Variants in MAML3 observed in about 807,000 individuals in gnomAD.
MAML3 encodes mastermind-like protein 3.
A neutral mutation model predicts 101.9 loss-of-function variants in MAML3; 27 were observed. That is an observed-to-expected ratio of 0.27 (90% CI 0.20 to 0.37). The LOEUF (loss-of-function observed/expected upper bound fraction) is 0.37. MAML3 is among the 10% of genes least tolerant of loss of function. The probability of loss-of-function intolerance (pLI) is 1.00; values close to 1 mark genes in which losing one functional copy is unlikely to be tolerated. For missense variants in MAML3, 1,316 were observed against 1,444.9 expected, an observed-to-expected ratio of 0.91 and a Z score of 1.45; for synonymous variants, 501 against 555.9, an observed-to-expected ratio of 0.90 and a Z score of 1.39.
intron 1 of MAML3, among the ~76,000 whole-genome samples, chr4:139,996,434 G>C (rs1734815438): frequency 6.6e-6 from 1 of 152,034 alleles, no homozygotes; most frequent in Non-Finnish European, 1.5e-5. Context: ...TTTCATGTTT[G>C]AGGCTCTGTA....
At chr4:139,824,214 T>C (rs1274199509) in intron 2 of MAML3, among the ~76,000 whole-genome samples, 1 of 152,184 alleles carries the variant, frequency 6.6e-6, no homozygotes, top group Admixed American at 6.5e-5. Context: ...TTCAAGGTTT[T>C]TGTTATACCT....
intron 1 of MAML3, among the ~76,000 whole-genome samples, chr4:139,907,206 A>G (rs1020806285): frequency 3.9e-5 from 6 of 152,266 alleles, no homozygotes; most frequent in African/African-American, 1.4e-4. Context: ...AGCAAAGCAC[A>G]GTAACTAAAG....
At chr4:140,132,669 T>C (rs933429837) in intron 1 of MAML3, among the ~76,000 whole-genome samples, 1 of 152,226 alleles carries the variant, frequency 6.6e-6, no homozygotes, top group Non-Finnish European at 1.5e-5. Context: ...CGTGGTGCCC[T>C]GGGAAGAGCA....
chr4:139,927,729 T>C (rs1733293928), intron 1 of MAML3, among the ~76,000 whole-genome samples: 1 of 129,664 alleles, frequency 7.7e-6, no homozygotes, highest in African/African-American at 2.8e-5. Flanking sequence ...CAAATTCCTC[T>C]GTCTTTGGCC....
chr4:139,876,275 T>C (rs998142153), intron 2 of MAML3, among the ~76,000 whole-genome samples: 2 of 152,358 alleles, frequency 1.3e-5, no homozygotes, highest in African/African-American at 4.8e-5. Flanking sequence ...ACATGGCCAA[T>C]AGAAATTTAA....
chr4:139,726,329 C>G (rs1266943502), intron 3 of MAML3, among the ~76,000 whole-genome samples: 1 of 152,100 alleles, frequency 6.6e-6, no homozygotes, highest in Non-Finnish European at 1.5e-5. Flanking sequence ...ATTTATTTAC[C>G]CATTCTACTA....
In MAML3 at chr4:139,785,223, T is replaced by C. The variant is rs1366768384; in HGVS notation, c.2080-54556A>G. Among the ~76,000 whole-genome samples the C allele has an allele frequency of 6.6e-6, 1 of 152,174 alleles. No individual in the cohort carries two copies. Among genetic ancestry groups the C allele is most frequent in the Non-Finnish European group, 1.5e-5 (1 of 68,020 alleles). ...TCTGAACCACAGCCTGCCCCTCAGC[T>C]TCTGGGTCCTCCCACACGGTGCCGG... On this transcript the variant is annotated intron_variant, in intron 2 of 4. Coordinates refer to ENST00000509479, the MANE Select transcript of MAML3 (RefSeq NM_018717.5). This position sits in a 1 kb window ranked among gnomAD's most constrained non-coding sequence, Gnocchi z 4.3.
intron 1 of MAML3, among the ~76,000 whole-genome samples, chr4:139,992,587 G>A (rs1182553597): frequency 6.6e-6 from 1 of 152,006 alleles, no homozygotes; most frequent in Non-Finnish European, 1.5e-5. Flanking sequence ...GTGCAGTGGT[G>A]CGATCTCAGC....
chr4:139,824,133 C>T (rs940605427), intron 2 of MAML3, among the ~76,000 whole-genome samples: 4 of 152,152 alleles, frequency 2.6e-5, no homozygotes, highest in African/African-American at 9.7e-5. Context: ...ATCGACACCC[C>T]ACCCCCAGCT....
chr4:139,814,138 G>C (rs1291198027), intron 2 of MAML3, among the ~76,000 whole-genome samples: 1 of 152,080 alleles, frequency 6.6e-6, no homozygotes, highest in African/African-American at 2.4e-5. Context: ...GAGGCAGAAA[G>C]AGAACTGTGG....
intron 2 of MAML3, among the ~76,000 whole-genome samples, chr4:139,774,300 C>T (rs1019736536): frequency 1.3e-5 from 2 of 152,272 alleles, no homozygotes; most frequent in African/African-American, 4.8e-5. Flanking sequence ...TACTCTGTTA[C>T]TGTCTCCTCC....
intron 1 of MAML3, among the ~76,000 whole-genome samples, chr4:140,150,767 C>T (rs1037703569): frequency 2.0e-5 from 3 of 151,954 alleles, no homozygotes; most frequent in African/African-American, 7.3e-5. Flanking sequence ...GGGGCGGGGG[C>T]TGGGAGAGAA....
chr4:139,965,818 C>T (rs1164191967), intron 1 of MAML3, among the ~76,000 whole-genome samples: 1 of 151,836 alleles, frequency 6.6e-6, no homozygotes, highest in Non-Finnish European at 1.5e-5. Flanking sequence ...AGCCAAGAAC[C>T]CCTGGGCTCA....
intron 1 of MAML3, among the ~76,000 whole-genome samples, chr4:140,131,528 AATGGAATTTCT>A (rs1177837075): frequency 6.6e-6 from 1 of 152,226 alleles, no homozygotes; most frequent in Non-Finnish European, 1.5e-5. Context: ...GGAAAAGTAG[AATGGAATTTCT>A]ACAAGCTATC....
At chr4:139,800,137 G>A (rs1354616776) in intron 2 of MAML3, among the ~76,000 whole-genome samples, 1 of 151,706 alleles carries the variant, frequency 6.6e-6, no homozygotes, top group Non-Finnish European at 1.5e-5. Context: ...GTTTTTTTCA[G>A]ACCTTAACAA....
At chr4:139,772,066 C>T (rs1323885821) in intron 2 of MAML3, among the ~76,000 whole-genome samples, 2 of 151,266 alleles carry the variant, frequency 1.3e-5, no homozygotes, top group Non-Finnish European at 2.9e-5. Flanking sequence ...GGTGAAACCC[C>T]CGTCTCTACT....
chr4:140,007,249 T>A (rs767843234), intron 1 of MAML3, among the ~76,000 whole-genome samples: 8 of 152,146 alleles, frequency 5.3e-5, no homozygotes, highest in Non-Finnish European at 8.8e-5. Flanking sequence ...GGATACGTGA[T>A]AAAAAGTGAA....
At chr4:139,896,607 G>GGTGTGT (rs113274639) in intron 1 of MAML3, among the ~76,000 whole-genome samples, 45,074 of 144,522 alleles carry the variant, frequency 0.31, 8,721 homozygotes, top group Non-Finnish European at 0.44. Context: ...CTGTGAAACT[G>GGTGTGT]GTGTGTGTGT....
At chr4:139,753,545 C>T (rs1213653526) in intron 2 of MAML3, among the ~76,000 whole-genome samples, 1 of 152,060 alleles carries the variant, frequency 6.6e-6, no homozygotes, top group Non-Finnish European at 1.5e-5. Context: ...CCTTTATAAC[C>T]TTGAGTCTAA....
Sources: gnomAD v4.1 joint callset for allele counts (sites outside exome capture counted in the v4.1 genomes callset) on GRCh38, gnomAD v4.1.1 for gene constraint, Gnocchi (gnomAD v3.1) non-coding constraint, MANE v1.5 for transcripts, NCBI Gene and HGNC (gene_info 2026-07-23, HGNC 2026-07-21) for gene names.